Variants in EPRS1 observed in about 807,000 individuals in gnomAD.
The protein encoded by EPRS1 is glutamyl-prolyl-tRNA synthetase 1.
Under a neutral mutation model 188.3 loss-of-function variants are expected in EPRS1, and 107 were observed. The ratio of observed to expected loss-of-function variants is 0.57; its 90% CI spans 0.49 to 0.67. The LOEUF is 0.67. EPRS1 is among the 30% of genes least tolerant of loss of function. The pLI is 0.00. For synonymous variants in EPRS1, 596 were observed against 593.1 expected, an observed-to-expected ratio of 1.00 and a Z score of -0.07; for missense variants, 1,577 against 1,802.2, an observed-to-expected ratio of 0.88 and a Z score of 2.26.
rs758584091 is a variant in EPRS1, at chr1:219,968,863, T to C, written c.4482A>G (p.Lys1494=). 6.2e-7 allele frequency: 1 copy of C among 1,614,118 alleles called. No homozygotes were observed. Among genetic ancestry groups the C allele is most frequent in the Admixed American group, 1.7e-5 (1 of 60,020 alleles). ...KPLCELQPGA[K]CVCGKNPAKY... ...TGGCAGGGTTCTTGCCACAGACACA[T>C]TTGGCTCCAGGCTGCAGTTCACAGA... The change falls in exon 32 of 32, where the codon AAA becomes AAG. Residue 1494 remains lysine, a synonymous_variant. Transcript: ENST00000366923.
At chr1:219,978,127 C>T (rs1352906653) in intron 28 of EPRS1, among the ~76,000 whole-genome samples, 1 of 152,010 alleles carries the variant, frequency 6.6e-6, no homozygotes, top group East Asian at 1.9e-4. Context: ...GGTGTGAAAA[C>T]TCAAGAATAA....
Position 219,973,356 on chromosome 1 carries a change from T to C in EPRS1, c.4126A>G (p.Ser1376Gly), listed in dbSNP as rs1319140935. Residue 1376 changes from serine to glycine, a missense_variant, in exon 29 of 32, where the codon AGC becomes GGC. By Grantham distance (56) the Ser-to-Gly change is moderately conservative. Transcript: ENST00000366923. ...RLEVGPRDMK[S>G]CQFVAVRRDT... ...CGTCTGACGGCTACAAACTGACAGC[T>C]CTTCATATCACGTGGCCCAACTTCA... 4 of 1,612,242 alleles carry C rather than the reference T, an allele frequency of 2.5e-6. No homozygotes were observed. In the African/African-American group the frequency reaches 4.0e-5, roughly 16 times the overall value.
intron 19 of EPRS1, among the ~76,000 whole-genome samples, chr1:219,987,744 G>A (rs1326705799): frequency 6.6e-6 from 1 of 152,128 alleles, no homozygotes; most frequent in African/African-American, 2.4e-5. Context: ...ATAGAATTGT[G>A]CAAAACTGTG....
At chr1:220,037,118 A>C (rs370571381) in intron 2 of EPRS1, among the ~76,000 whole-genome samples, 246 of 151,950 alleles carry the variant, frequency 1.6e-3, no homozygotes, top group African/African-American at 5.7e-3. Context: ...CGCTAAGCCC[A>C]GGAGTTGGAT....
chr1:219,993,228 CAAAA>C (rs112928567), intron 18 of EPRS1, among the ~76,000 whole-genome samples: 1,586 of 139,940 alleles, frequency 0.011, 17 homozygotes, highest in Non-Finnish European at 0.015. Flanking sequence ...GACCCTGTCT[CAAAA>C]AAAAAAAAAT....
intron 28 of EPRS1, among the ~76,000 whole-genome samples, chr1:219,974,690 A>T (rs1660742014): frequency 6.6e-6 from 1 of 152,150 alleles, no homozygotes; most frequent in Admixed American, 6.5e-5. Context: ...AAAAAACCAC[A>T]ATGGAACCAA....
At chr1:219,975,705 G>A (rs565111791) in intron 28 of EPRS1, among the ~76,000 whole-genome samples, 48 of 152,102 alleles carry the variant, frequency 3.2e-4, no homozygotes, top group Non-Finnish European at 6.3e-4. Flanking sequence ...CCAAGGTGCT[G>A]GGATTATAGG....
chr1:220,043,235 A>G (rs1662333752), intron 1 of EPRS1, among the ~76,000 whole-genome samples: 1 of 141,856 alleles, frequency 7.0e-6, no homozygotes, highest in Admixed American at 7.4e-5. Context: ...GTCACATTGT[A>G]CACATTTGTC....
rs753234421 is a variant in EPRS1 at position 220,010,936 on chromosome 1, TA to T, written c.1605+9del. The T allele has an allele frequency of 1.3e-6, 2 of 1,518,260 alleles. No individual in the cohort carries two copies. The highest frequency in any genetic ancestry group is 1.1e-5 in the South Asian group (1 of 88,900). The allele number at this position is 1,518,260 out of a possible 1,614,324, so 94.0% of individuals were successfully genotyped here. On this transcript the variant is annotated intron_variant, in intron 13 of 31. Transcript: ENST00000366923. Reference sequence around the variant, plus strand: ...AGAGAGAAACACATTGGTGAAACTGTAAGAGTGACCTTTGGGTGTTTGGCTA... The same window carrying T: ...AGAGAGAAACACATTGGTGAAACTGTAGAGTGACCTTTGGGTGTTTGGCTA...
chr1:220,046,380 C>A lies in EPRS1; in HGVS notation c.9G>T (p.Thr3=). The part of the protein sequence containing the change: MA[T]LSLTVNSGDP... ...CTCCTGAATTCACGGTCAGAGAGAG[C>A]GTCGCCATCTCCACCAGTCCGCTGG... The change falls in exon 1 of 32, where the codon ACG becomes ACT. Residue 3 remains threonine, a synonymous_variant. Transcript: ENST00000366923. 2 of 1,614,080 alleles carry A rather than the reference C, an allele frequency of 1.2e-6. No individual in the cohort carries two copies. The highest frequency in any genetic ancestry group is 1.7e-6 in the Non-Finnish European group (2 of 1,180,022).
chr1:220,001,197 T>G lies in EPRS1; in HGVS notation c.2122A>C (p.Lys708Gln), dbSNP rs1558051105. ...TTTGACCCTGATGTTGGCATTTCCT[T>G]TGTGTGCCCATCAGGAATGTATATC... ...VLIYIPDGHT[K>Q]EMPTSGSKEK... Residue 708 changes from lysine (K) to glutamine (Q), a missense_variant, in exon 17 of 32, where the codon AAG (lysine) becomes CAG (glutamine). Physicochemically the swap from Lys to Gln is moderately conservative, Grantham distance 53 (BLOSUM62 1). Around this residue, in one of 3 missense-constraint regions of EPRS1, gnomAD observed 1,278 missense variants for 1,457.4 expected, o/e 0.88. Transcript: ENST00000366923. The G allele has an allele frequency of 1.2e-6, 2 of 1,614,076 alleles. No homozygotes were observed. Among genetic ancestry groups the G allele is most frequent in the East Asian group, 2.2e-5 (1 of 44,864 alleles).
chr1:220,010,188 A>G (rs1295865751), intron 13 of EPRS1, among the ~76,000 whole-genome samples: 2 of 152,068 alleles, frequency 1.3e-5, no homozygotes, highest in Non-Finnish European at 2.9e-5. Flanking sequence ...GAGACTCTGA[A>G]GTCAAGCTGT....
chr1:219,972,884 G>A (rs1393143373), intron 29 of EPRS1, among the ~76,000 whole-genome samples: 1 of 152,152 alleles, frequency 6.6e-6, no homozygotes. Context: ...TCTCTAGGAA[G>A]GCACTGGTAT....
Position 220,020,165 on chromosome 1 carries a change from G to A in EPRS1, c.1172C>T (p.Thr391Ile). 6.2e-7 allele frequency: 1 copy of A among 1,614,026 alleles called. No homozygotes were observed. The highest frequency in any genetic ancestry group is 8.5e-7 in the Non-Finnish European group (1 of 1,179,962). ...CPIVDSIEGV[T>I]HALRTTEYHD... ...GTATTCTGTTGTTCTCAGGGCATGT[G>A]TAACACCTTCGATGCTGTCAACTAT... The change falls in exon 10 of 32, where the codon ACA (threonine) becomes ATA (isoleucine). Residue 391 changes from threonine (T) to isoleucine (I), a missense_variant. This residue lies in a region of EPRS1 where 1,278 missense variants were observed against 1,457.4 expected (regional missense o/e 0.88). Coordinates refer to ENST00000366923, the MANE Select transcript of EPRS1 (RefSeq NM_004446.3).
rs1348228564 is a variant in EPRS1 at position 220,008,881 on chromosome 1, G to A, written c.1606-1543C>T. 2.0e-5 allele frequency among the ~76,000 whole-genome samples: 3 copies of A among 152,078 alleles called. No homozygotes were observed. The East Asian group carries it at 5.8e-4, about 29-fold the overall frequency. ...CGTAGAGACAGAGTCTTGCTATGTT[G>A]ACCAGGCTGGTCTTGAACTCCTGGC... On this transcript the variant is annotated intron_variant, in intron 13 of 31. Transcript: ENST00000366923.
intron 17 of EPRS1, among the ~76,000 whole-genome samples, chr1:219,999,399 T>C (rs914356781): frequency 7.2e-5 from 11 of 152,050 alleles, no homozygotes; most frequent in African/African-American, 2.7e-4. Flanking sequence ...CTCTGTGCCC[T>C]TTCCTGAATC....
intron 18 of EPRS1, among the ~76,000 whole-genome samples, chr1:219,989,939 T>G (rs2102569795): frequency 6.6e-6 from 1 of 152,028 alleles, no homozygotes; most frequent in Admixed American, 6.6e-5. Context: ...ATCAGACATA[T>G]GAGAATCAAG....
rs373358921 is a variant in EPRS1, at chr1:220,018,990, C to T, written c.1434+5G>A. 1.3e-5 allele frequency: 21 copies of T among 1,597,824 alleles called. No individual in the cohort carries two copies. The highest frequency in any genetic ancestry group is 5.0e-5 in the Admixed American group (3 of 59,730). On this transcript the variant is annotated splice_donor_5th_base_variant and intron_variant, in intron 11 of 31. Transcript: ENST00000366923. ...AGACAAGCTGGAAAAGAAACTGTAA[C>T]GCACCTGAGCAGCAATAAACTGTTT...
At chr1:220,046,256 C>G (rs1030968649) in intron 1 of EPRS1, 87 bp downstream of exon 1, 2 of 1,541,090 alleles carry the variant, frequency 1.3e-6, no homozygotes, top group South Asian at 2.3e-5. Context: ...ACCACCACTG[C>G]GCAAAGCCGG....
Sources: allele counts gnomAD v4.1 joint callset (sites outside exome capture counted in the v4.1 genomes callset), GRCh38; gene constraint gnomAD v4.1.1; regional missense constraint gnomAD v4.1.1; transcripts MANE v1.5; gene names NCBI Gene and HGNC (gene_info 2026-07-23, HGNC 2026-07-21).